The following SLC17A5 variants were observed in gnomAD, a reference collection of about 807,000 sequenced individuals.
SLC17A5 encodes the protein solute carrier family 17 member 5, also known as sialin.
A neutral mutation model predicts 59.4 loss-of-function variants in SLC17A5; 47 were observed. That is an observed-to-expected ratio of 0.79 (90% CI 0.63 to 1.01). The LOEUF (loss-of-function observed/expected upper bound fraction) is 1.01. SLC17A5 is among the 50% of genes least tolerant of loss of function. The pLI is 0.00. For missense variants in SLC17A5, 522 were observed against 595.5 expected (o/e 0.88, Z 1.28); for synonymous variants, 202 against 210.7 (o/e 0.96, Z 0.36).
At chr6:73,595,319 A>C in intron 10 of SLC17A5, 105 bp from the exon 11 acceptor site, 1 of 1,289,314 alleles carries the variant, frequency 7.8e-7, no homozygotes, top group South Asian at 1.3e-5. Context: ...CATTATTCAT[A>C]AAAGCCTCAT....
intron 9 of SLC17A5, among the ~76,000 whole-genome samples, chr6:73,605,187 C>T (rs1053069137): frequency 1.3e-5 from 2 of 152,090 alleles, no homozygotes; most frequent in African/African-American, 2.4e-5. Flanking sequence ...CATAAAATGT[C>T]ACCCAATTTG....
rs201009218 is a variant in SLC17A5, at chr6:73,595,084, C to G, written c.1481G>C (p.Arg494Thr). The G allele has an allele frequency of 9.3e-6, 15 of 1,613,986 alleles. No individual in the cohort carries two copies. In the Admixed American group the frequency reaches 1.3e-4, roughly 14 times the overall value. ...GATTATTTATTGGTTCCTTCAGTGT[C>G]TGTGTCCATGGTGATCATTGAGAGC... ...NWALNDHHGH[R>T]H Residue 494 changes from arginine (R) to threonine (T), a missense_variant, in exon 11 of 11, where the codon AGA (arginine) becomes ACA (threonine). Around this residue, in one of 3 missense-constraint regions of SLC17A5, gnomAD observed 153 missense variants for 168.5 expected, o/e 0.91. Transcript: ENST00000355773.
chr6:73,643,988 G>C (rs1189273865), intron 2 of SLC17A5, among the ~76,000 whole-genome samples: 1 of 152,124 alleles, frequency 6.6e-6, no homozygotes, highest in African/African-American at 2.4e-5. Flanking sequence ...TAAGAAACTG[G>C]CCAGTTCTTG....
intron 9 of SLC17A5, among the ~76,000 whole-genome samples, chr6:73,605,678 T>C (rs1767359844): frequency 7.0e-6 from 1 of 143,656 alleles, no homozygotes; most frequent in African/African-American, 2.8e-5. Context: ...CTAAGGGAGA[T>C]AAATAATTTT....
chr6:73,596,693 A>G lies in SLC17A5; in HGVS notation c.1351-1479T>C, dbSNP rs976071215. 3.3e-5 allele frequency among the ~76,000 whole-genome samples: 5 copies of G among 151,654 alleles called. No homozygotes were observed. In the South Asian group the frequency reaches 1.0e-3, roughly 32 times the overall value. On this transcript the variant is annotated intron_variant, in intron 10 of 10. Transcript: ENST00000355773. ...AACATGGTGAAACCCCGTCTTTACTAAAAAAATAAAAAATTAGCCGGGCGT... is the reference window on the plus strand; with the variant it reads ...AACATGGTGAAACCCCGTCTTTACTGAAAAAATAAAAAATTAGCCGGGCGT...
chr6:73,600,050 T>C (rs1036056931), intron 10 of SLC17A5, among the ~76,000 whole-genome samples: 6 of 152,294 alleles, frequency 3.9e-5, no homozygotes, highest in African/African-American at 1.4e-4. Context: ...TGCCTCGGCC[T>C]CCCAAAGTGC....
chr6:73,642,753 T>TGG (rs1284296886), intron 2 of SLC17A5, among the ~76,000 whole-genome samples: 4 of 152,330 alleles, frequency 2.6e-5, no homozygotes, highest in African/African-American at 9.6e-5. Flanking sequence ...CATTCCGGGA[T>TGG]TTCTTTCTAC....
At chr6:73,653,652 T>G in intron 1 of SLC17A5, 141 bp downstream of exon 1, 1 of 1,002,530 alleles carries the variant, frequency 1.0e-6, no homozygotes, top group Non-Finnish European at 1.4e-6. Flanking sequence ...CTGAACGGGC[T>G]CCCCTCTTAA....
intron 6 of SLC17A5, among the ~76,000 whole-genome samples, chr6:73,626,340 TAGAA>T (rs1472401380): frequency 1.3e-5 from 2 of 152,212 alleles, no homozygotes; most frequent in Non-Finnish European, 2.9e-5. Flanking sequence ...GTTAGAGGCT[TAGAA>T]AGAAGAATGT....
At chr6:73,603,952 A>G (rs979317424) in intron 9 of SLC17A5, among the ~76,000 whole-genome samples, 1 of 152,106 alleles carries the variant, frequency 6.6e-6, no homozygotes, top group African/African-American at 2.4e-5. Context: ...CTTAAAGGAG[A>G]AGGAGGAGTT....
In SLC17A5 at chr6:73,621,849, T is replaced by C. The variant is rs746570612; in HGVS notation, c.933A>G (p.Leu311=). The C allele has an allele frequency of 6.2e-7, 1 of 1,613,154 alleles. No individual in the cohort carries two copies. Among genetic ancestry groups the C allele is most frequent in the Non-Finnish European group, 8.5e-7 (1 of 1,179,164 alleles). Residue 311 remains leucine, a synonymous_variant, in exon 7 of 11, where the codon TTA becomes TTG. Transcript: ENST00000355773. The part of the protein sequence containing the change: ...YNWTFYTLLT[L]LPTYMKEILR... ...GGATCTCCTTCATATAAGTAGGCAATAATGTCAATAAAGTATAAAAAGTCC... is the reference window on the plus strand; with the variant it reads ...GGATCTCCTTCATATAAGTAGGCAACAATGTCAATAAAGTATAAAAAGTCC...
At chr6:73,616,582 T>C (rs4032317) in intron 7 of SLC17A5, among the ~76,000 whole-genome samples, 55,900 of 145,030 alleles carry the variant, frequency 0.39, 11,667 homozygotes, top group African/African-American at 0.57. Flanking sequence ...CACACACACG[T>C]TTATTTTTAA....
At chr6:73,626,183 C>T (rs1768402623) in intron 6 of SLC17A5, among the ~76,000 whole-genome samples, 1 of 152,166 alleles carries the variant, frequency 6.6e-6, no homozygotes, top group African/African-American at 2.4e-5. Flanking sequence ...GGTATGTTTT[C>T]ACAACCTATA....
chr6:73,604,924 G>A (rs1286708246), intron 9 of SLC17A5, among the ~76,000 whole-genome samples: 4 of 151,816 alleles, frequency 2.6e-5, no homozygotes, highest in Non-Finnish European at 4.4e-5. Flanking sequence ...TGTTTATAAG[G>A]GTTTTATATA....
At chr6:73,606,956 G>A (rs1174015398) in intron 9 of SLC17A5, among the ~76,000 whole-genome samples, 1 of 152,150 alleles carries the variant, frequency 6.6e-6, no homozygotes, top group Non-Finnish European at 1.5e-5. Context: ...ATTATGTTGA[G>A]AAGTTAGACT....
At chr6:73,640,491 T>C (rs1769227552) in intron 3 of SLC17A5, among the ~76,000 whole-genome samples, 1 of 152,206 alleles carries the variant, frequency 6.6e-6, no homozygotes. Context: ...GATCTAGAGA[T>C]TAGAGCTTAC....
At chr6:73,615,254 C>T in intron 8 of SLC17A5, 61 bp downstream of exon 8, 1 of 1,580,242 alleles carries the variant, frequency 6.3e-7, no homozygotes, top group Non-Finnish European at 8.7e-7. Flanking sequence ...TTCCTATCTC[C>T]TATAACTGTA....
intron 6 of SLC17A5, among the ~76,000 whole-genome samples, chr6:73,626,713 A>G (rs144931141): frequency 1.5e-3 from 231 of 152,350 alleles, no homozygotes; most frequent in African/African-American, 5.3e-3. Context: ...CAGGTTGATG[A>G]AAGAAAATGA....
At chr6:73,617,909 C>G (rs1015814193) in intron 7 of SLC17A5, among the ~76,000 whole-genome samples, 1 of 151,836 alleles carries the variant, frequency 6.6e-6, no homozygotes, top group Non-Finnish European at 1.5e-5. Context: ...GATAAGATCC[C>G]TTGTATTCAT....
Sources: gnomAD v4.1 joint callset for allele counts (sites outside exome capture counted in the v4.1 genomes callset) on GRCh38, gnomAD v4.1.1 for gene constraint, gnomAD v4.1.1 regional missense constraint, MANE v1.5 for transcripts, NCBI Gene and HGNC (gene_info 2026-07-23, HGNC 2026-07-21) for gene names.